Variants in AADAT observed in about 807,000 individuals in gnomAD.
AADAT encodes the protein kynurenine/alpha-aminoadipate aminotransferase, mitochondrial.
A neutral mutation model predicts 56.2 loss-of-function variants in AADAT; 25 were observed. That is an observed-to-expected ratio of 0.44 (90% CI 0.32 to 0.62). AADAT has a LOEUF of 0.62. AADAT is among the 20% of genes least tolerant of loss of function. The probability of loss-of-function intolerance (pLI) is 0.04; values close to 1 mark genes in which losing one functional copy is unlikely to be tolerated. For synonymous variants in AADAT, 173 were observed against 164.7 expected (o/e 1.05, Z -0.39); for missense variants, 387 against 510.5 (o/e 0.76, Z 2.33).
Position 170,088,504 on chromosome 4 carries a change from G to C in AADAT, c.128C>G (p.Pro43Arg). 2 of 1,613,682 alleles carry C rather than the reference G, an allele frequency of 1.2e-6. No individual in the cohort carries two copies. Among genetic ancestry groups the C allele is most frequent in the South Asian group, 1.1e-5 (1 of 91,046 alleles). Residue 43 changes from proline (P) to arginine (R), a missense_variant, in exon 2 of 13, where the codon CCA (proline) becomes CGA (arginine). Coordinates refer to ENST00000337664, the MANE Select transcript of AADAT (RefSeq NM_016228.4). ...GGCAGTCTTAAAAGGAAACATGTTT[G>C]GATTTGGTAAGCCACCAGCCAAGGA... ...MISLAGGLPN[P>R]NMFPFKTAVI...
intron 3 of AADAT, among the ~76,000 whole-genome samples, chr4:170,083,182 A>C (rs553589590): frequency 6.6e-6 from 1 of 152,150 alleles, no homozygotes; most frequent in South Asian, 2.1e-4. Context: ...CCCAAATCTT[A>C]TCAAATATCT....
chr4:170,061,599 A>C (rs1049305004), intron 12 of AADAT, among the ~76,000 whole-genome samples: 2 of 152,210 alleles, frequency 1.3e-5, no homozygotes, highest in African/African-American at 4.8e-5. Flanking sequence ...TTAATTCAAT[A>C]AAGGAAGGAA....
chr4:170,073,099 A>C (rs1358437146), intron 5 of AADAT, 37 bp downstream of exon 5: 4 of 1,592,156 alleles, frequency 2.5e-6, no homozygotes, highest in Non-Finnish European at 3.4e-6. Context: ...ACAGAGAAAC[A>C]GGAACACAAC....
chr4:170,060,870 C>G lies in AADAT; in HGVS notation c.*58G>C. ...GTTCAAGTGATCCTCCCTCCTCTGC[C>G]TCCCAAAGTGCTGGGATTATAGGTG... On this transcript the variant is annotated 3_prime_UTR_variant, in exon 13 of 13. Transcript: ENST00000337664. 16 of 1,402,740 alleles carry G rather than the reference C, an allele frequency of 1.1e-5. No homozygotes were observed. Among genetic ancestry groups the G allele is most frequent in the Non-Finnish European group, 1.3e-5 (14 of 1,041,380 alleles). 86.9% of individuals were successfully genotyped at this position (1,402,740 alleles called of 1,614,324 possible). A position where few individuals can be genotyped will look rare whatever the true frequency, so the allele number is the denominator to read the frequency against.
rs1731364504 is a variant in AADAT, at chr4:170,064,765, A to G, written c.1088T>C (p.Ile363Thr). The G allele has an allele frequency of 6.2e-7, 1 of 1,611,886 alleles. No homozygotes were observed. The highest frequency in any genetic ancestry group is 1.7e-5 in the Admixed American group (1 of 59,356). ...TTCAATCAGTTCTTTTACATCATTAATGCCTTTAACTTTAATCCATAAAAA... is the reference window on the plus strand; with the variant it reads ...TTCAATCAGTTCTTTTACATCATTAGTGCCTTTAACTTTAATCCATAAAAA... ...GMFLWIKVKG[I>T]NDVKELIEEK... is the part of the protein sequence containing the mutation. Residue 363 changes from isoleucine to threonine, a missense_variant, in exon 11 of 13, where the codon ATT becomes ACT. By Grantham distance (89) the Ile-to-Thr change is moderately conservative (BLOSUM62 -1). Transcript: ENST00000337664.
intron 4 of AADAT, among the ~76,000 whole-genome samples, chr4:170,073,713 A>G (rs1484230802): frequency 6.6e-6 from 1 of 151,900 alleles, no homozygotes; most frequent in African/African-American, 2.4e-5. Flanking sequence ...GTTAGCCAGG[A>G]TGGTCTGGAT....
intron 5 of AADAT, among the ~76,000 whole-genome samples, chr4:170,071,327 G>C (rs1229958099): frequency 6.6e-6 from 1 of 152,180 alleles, no homozygotes; most frequent in Non-Finnish European, 1.5e-5. Flanking sequence ...GGTAATATCA[G>C]AGCTTAAAAT....
intron 3 of AADAT, among the ~76,000 whole-genome samples, chr4:170,085,426 T>C (rs1732509942): frequency 6.6e-6 from 1 of 152,068 alleles, no homozygotes. Context: ...AACACAGGAG[T>C]CTAAAATAAC....
Position 170,060,845 on chromosome 4 carries a change from G to T in AADAT, c.*83C>A, listed in dbSNP as rs932044757. ...GCTTACTGCAGCCTTGAATTCCTGG[G>T]TTCAAGTGATCCTCCCTCCTCTGCC... On this transcript the variant is annotated 3_prime_UTR_variant, in exon 13 of 13. Transcript: ENST00000337664. The T allele has an allele frequency of 1.7e-6, 2 of 1,200,138 alleles. No homozygotes were observed. Among genetic ancestry groups the T allele is most frequent in the Admixed American group, 2.5e-5 (1 of 39,758 alleles). The allele number at this position is 1,200,138 out of a possible 1,614,324, so 74.3% of individuals were successfully genotyped here.
intron 11 of AADAT, among the ~76,000 whole-genome samples, chr4:170,064,316 T>C (rs1384748674): frequency 6.6e-6 from 1 of 152,184 alleles, no homozygotes; most frequent in Non-Finnish European, 1.5e-5. Context: ...ATATATTAAC[T>C]CACTTAATCA....
At chr4:170,076,425 G>A (rs1476811667) in intron 4 of AADAT, among the ~76,000 whole-genome samples, 2 of 152,118 alleles carry the variant, frequency 1.3e-5, no homozygotes, top group East Asian at 1.9e-4. Flanking sequence ...CATGGAACTT[G>A]CGGCTTTCAT....
chr4:170,086,949 C>A (rs76275965), intron 3 of AADAT, among the ~76,000 whole-genome samples, 167 bp downstream of exon 3: 3,037 of 152,242 alleles, frequency 0.02, 88 homozygotes, highest in African/African-American at 0.07. Context: ...TGCTCCCACC[C>A]CCATCCTATG....
intron 4 of AADAT, 118 bp from the exon 5 acceptor site, chr4:170,073,463 C>T (rs952542193): frequency 2.3e-5 from 20 of 857,274 alleles, no homozygotes; most frequent in Middle Eastern, 2.5e-4. Context: ...AATATATAAA[C>T]CCGCAACCAG....
chr4:170,089,329 T>C (rs1330661863), intron 1 of AADAT: 5 of 573,556 alleles, frequency 8.7e-6, no homozygotes, highest in African/African-American at 1.9e-5. Context: ...AGGAAGAGCC[T>C]TTCTTGATAG....
chr4:170,091,921 C>G (rs917500598), upstream of AADAT, among the ~76,000 whole-genome samples: 1 of 152,228 alleles, frequency 6.6e-6, no homozygotes, highest in African/African-American at 2.4e-5. Flanking sequence ...CCAATCAACA[C>G]TCTGTATCTA....
At chr4:170,073,722 A>G (rs1297965240) in intron 4 of AADAT, among the ~76,000 whole-genome samples, 1 of 151,988 alleles carries the variant, frequency 6.6e-6, no homozygotes, top group Non-Finnish European at 1.5e-5. Context: ...GATGGTCTGG[A>G]TCTCCTGACC....
chr4:170,073,666 A>AT (rs1295774602), intron 4 of AADAT, among the ~76,000 whole-genome samples: 10 of 151,866 alleles, frequency 6.6e-5, no homozygotes, highest in Middle Eastern at 6.8e-3. Flanking sequence ...CGCCCAGGTA[A>AT]TTTTTTGTAT....
intron 6 of AADAT, among the ~76,000 whole-genome samples, 188 bp from the exon 7 acceptor site, chr4:170,069,418 T>C (rs977840968): frequency 6.6e-6 from 1 of 152,216 alleles, no homozygotes; most frequent in Non-Finnish European, 1.5e-5. Flanking sequence ...TAGCATCTGC[T>C]TGTCTTCATG....
At chr4:170,087,405 G>C (rs894719480) in intron 2 of AADAT, among the ~76,000 whole-genome samples, 157 bp from the exon 3 acceptor site, 4 of 152,178 alleles carry the variant, frequency 2.6e-5, no homozygotes, top group African/African-American at 9.7e-5. Context: ...CTATTTAAAA[G>C]ATAGGCAGTA....
Sources: allele counts gnomAD v4.1 joint callset (sites outside exome capture counted in the v4.1 genomes callset), GRCh38; gene constraint gnomAD v4.1.1; transcripts MANE v1.5; gene names NCBI Gene and HGNC (gene_info 2026-07-23, HGNC 2026-07-21).